The following CALCRL variants were observed in gnomAD, a reference collection of about 807,000 sequenced individuals.
CALCRL encodes calcitonin gene-related peptide type 1 receptor.
A neutral mutation model predicts 60.4 loss-of-function variants in CALCRL; 27 were observed. That is an observed-to-expected ratio of 0.45 (90% CI 0.33 to 0.62). The LOEUF (loss-of-function observed/expected upper bound fraction) is 0.62, where lower values mean the gene tolerates loss of function less well. Ranked by LOEUF, CALCRL falls within the 20% of genes least tolerant of loss-of-function variation. The pLI, the probability that CALCRL is intolerant of heterozygous loss-of-function variation, is 0.03. For synonymous variants in CALCRL, 190 were observed against 182.6 expected (o/e 1.04, Z -0.33); for missense variants, 424 against 540.7 (o/e 0.78, Z 2.14).
chr2:187,359,551 G>A (rs1408942827), intron 10 of CALCRL, among the ~76,000 whole-genome samples: 1 of 152,060 alleles, frequency 6.6e-6, no homozygotes, highest in Non-Finnish European at 1.5e-5. Flanking sequence ...TAACTCTTAA[G>A]ATGTGTTTCC....
intron 9 of CALCRL, among the ~76,000 whole-genome samples, chr2:187,362,016 C>G (rs1407524223): frequency 6.6e-6 from 1 of 151,854 alleles, no homozygotes; most frequent in African/African-American, 2.4e-5. Flanking sequence ...TCAGCTTCAA[C>G]TTTTTATCTA....
chr2:187,405,610 A>G (rs3771078), intron 1 of CALCRL, among the ~76,000 whole-genome samples: 41,128 of 151,946 alleles, frequency 0.27, 6,071 homozygotes, highest in Middle Eastern at 0.41. Flanking sequence ...GTGTATTTGC[A>G]TTATTACTCT....
At chr2:187,392,258 C>G (rs144822576) in intron 1 of CALCRL, among the ~76,000 whole-genome samples, 127 of 152,150 alleles carry the variant, frequency 8.3e-4, no homozygotes, top group African/African-American at 3.0e-3. Context: ...TGTTTCTGTA[C>G]TTTTGAAATA....
chr2:187,399,227 C>T (rs1328905764), intron 1 of CALCRL, among the ~76,000 whole-genome samples: 1 of 151,538 alleles, frequency 6.6e-6, no homozygotes, highest in Non-Finnish European at 1.5e-5. Flanking sequence ...AAGCACATTC[C>T]ATGCCCAGCA....
At chr2:187,444,243 A>G (rs1691061026) in intron 1 of CALCRL, among the ~76,000 whole-genome samples, 1 of 151,692 alleles carries the variant, frequency 6.6e-6, no homozygotes, top group Non-Finnish European at 1.5e-5. Flanking sequence ...TTTTTAATTC[A>G]AAAAGATATG....
Position 187,415,833 on chromosome 2 carries a change from C to A in CALCRL, c.-292-28077G>T, listed in dbSNP as rs544384309. 228 of 375,864 alleles carry A rather than the reference C, an allele frequency of 6.1e-4. 4 individuals are homozygous for A. In the South Asian group the frequency reaches 7.4e-3, roughly 12 times the overall value. The allele number at this position is 375,864 out of a possible 1,614,324, so 23.3% of individuals were successfully genotyped here. A position where few individuals can be genotyped will look rare whatever the true frequency, so the allele number is the denominator to read the frequency against. On this transcript the variant is annotated intron_variant, in intron 1 of 14. Coordinates refer to ENST00000392370, the MANE Select transcript of CALCRL (RefSeq NM_005795.6). ...GGGTGGTGGATCATGGTCCACATGG[C>A]CTCCAGAAAGTAAGACCCCTGCACC...
At chr2:187,375,957 A>T (rs932493332) in intron 8 of CALCRL, among the ~76,000 whole-genome samples, 2 of 152,216 alleles carry the variant, frequency 1.3e-5, no homozygotes, top group African/African-American at 4.8e-5. Flanking sequence ...TATCAATAAG[A>T]AATACAGTTT....
In CALCRL at chr2:187,380,743, C is replaced by G. The variant is rs1273852056; in HGVS notation, c.229G>C (p.Asp77His). The change falls in exon 6 of 15, where the codon GAT becomes CAT. Residue 77 changes from aspartate (D) to histidine (H), a missense_variant. By Grantham distance (81) the Asp-to-His change is moderately conservative. Transcript: ENST00000392370. Reference sequence around the variant, plus strand: ...ATTGATTCAGTTCCTGCTGCAACATCGTTCCAGCAGAGCCATCCATCCCAG... The same window carrying G: ...ATTGATTCAGTTCCTGCTGCAACATGGTTCCAGCAGAGCCATCCATCCCAG... ...RTWDGWLCWN[D>H]VAAGTESMQL... The G allele has an allele frequency of 1.9e-6, 3 of 1,613,888 alleles. No homozygotes were observed. The African/African-American group carries it at 4.0e-5, about 22-fold the overall frequency.
chr2:187,446,550 T>G (rs1293408426), intron 1 of CALCRL, among the ~76,000 whole-genome samples: 1 of 151,684 alleles, frequency 6.6e-6, no homozygotes, highest in African/African-American at 2.4e-5. Context: ...ATATAATACC[T>G]CCTAAGAAAA....
chr2:187,413,332 C>A (rs755263227), intron 1 of CALCRL, among the ~76,000 whole-genome samples: 57 of 152,196 alleles, frequency 3.7e-4, no homozygotes, highest in Admixed American at 1.2e-3. Flanking sequence ...TCATTGTTTT[C>A]TTTGATATCA....
rs1686147778 is a variant in CALCRL, at chr2:187,343,036, C to G, written c.*3148G>C. The G allele has an allele frequency of 2.0e-5, 3 of 151,318 alleles. No individual in the cohort carries two copies. The highest frequency in any genetic ancestry group is 3.9e-4 in the East Asian group (2 of 5,170). The allele number at this position is 151,318 out of a possible 1,614,324, so 9.4% of individuals were successfully genotyped here. ...GAACATTTTCTTATTTTGAGACATC[C>G]TTTTTCTTCTTTCAGCATAAGAAGG... On this transcript the variant is annotated 3_prime_UTR_variant, in exon 15 of 15. Transcript: ENST00000392370.
At chr2:187,428,560 A>T (rs886289791) in intron 1 of CALCRL, 1 of 152,230 alleles carries the variant, frequency 6.6e-6, no homozygotes, top group Non-Finnish European at 1.5e-5. Context: ...AGATGATAAG[A>T]TGATCATTCA....
chr2:187,381,496 C>T (rs1000032197), intron 5 of CALCRL, among the ~76,000 whole-genome samples: 1 of 151,434 alleles, frequency 6.6e-6, no homozygotes, highest in Non-Finnish European at 1.5e-5. Context: ...CTTGCTCTGT[C>T]GCCAGCTGGA....
chr2:187,344,013 T>G lies in CALCRL; in HGVS notation c.*2171A>C, dbSNP rs546529027. ...TATAATCTCTGATCATTCAACATTTTTTACTGTCACTTCTACTGTCAAGAT... is the reference window on the plus strand; with the variant it reads ...TATAATCTCTGATCATTCAACATTTGTTACTGTCACTTCTACTGTCAAGAT... On this transcript the variant is annotated 3_prime_UTR_variant, in exon 15 of 15. Transcript: ENST00000392370. 64 of 151,718 alleles carry G rather than the reference T, an allele frequency of 4.2e-4. No homozygotes were observed. The highest frequency in any genetic ancestry group is 1.5e-3 in the African/African-American group (61 of 41,534). 9.4% of individuals were successfully genotyped at this position (151,718 alleles called of 1,614,324 possible).
At chr2:187,388,611 A>G (rs1340838557) in intron 1 of CALCRL, among the ~76,000 whole-genome samples, 1 of 152,150 alleles carries the variant, frequency 6.6e-6, no homozygotes, top group Non-Finnish European at 1.5e-5. Context: ...TTCCCATGCA[A>G]TTTAATCTAA....
intron 1 of CALCRL, among the ~76,000 whole-genome samples, chr2:187,408,054 C>T (rs1335474520): frequency 6.6e-6 from 1 of 151,938 alleles, no homozygotes; most frequent in Non-Finnish European, 1.5e-5. Context: ...AAATAAGATA[C>T]TAGACTAGAT....
At chr2:187,398,346 A>G (rs1440389044) in intron 1 of CALCRL, among the ~76,000 whole-genome samples, 1 of 151,656 alleles carries the variant, frequency 6.6e-6, no homozygotes, top group East Asian at 1.9e-4. Flanking sequence ...CAGAAAATAT[A>G]TAATTCTGAT....
At chr2:187,430,153 A>G (rs911737612) in intron 1 of CALCRL, among the ~76,000 whole-genome samples, 1 of 152,218 alleles carries the variant, frequency 6.6e-6, no homozygotes, top group Non-Finnish European at 1.5e-5. Flanking sequence ...GCTCTAAGGA[A>G]CAGTGAGTCA....
At chr2:187,388,081 T>C (rs1688280746) in intron 1 of CALCRL, among the ~76,000 whole-genome samples, 1 of 151,988 alleles carries the variant, frequency 6.6e-6, no homozygotes, top group African/African-American at 2.4e-5. Flanking sequence ...TTTTAGATAT[T>C]TACATTTTTT....
Sources: gnomAD v4.1 joint callset for allele counts (sites outside exome capture counted in the v4.1 genomes callset) on GRCh38, gnomAD v4.1.1 for gene constraint, MANE v1.5 for transcripts, NCBI Gene and HGNC (gene_info 2026-07-23, HGNC 2026-07-21) for gene names.